The following OAS1 variants were observed in gnomAD, a reference collection of about 807,000 sequenced individuals.
The protein encoded by OAS1 is 2'-5'-oligoadenylate synthase 1.
In OAS1, 24 loss-of-function variants were observed where a neutral mutation model predicts 38.5. The ratio of observed to expected loss-of-function variants is 0.62; its 90% CI spans 0.45 to 0.88. OAS1 has a LOEUF of 0.88. OAS1 is among the 40% of genes least tolerant of loss of function. OAS1 has a pLI of 0.00. For synonymous variants in OAS1, 169 were observed against 193.9 expected, an observed-to-expected ratio of 0.87 and a Z score of 1.07; for missense variants, 482 against 493.9, an observed-to-expected ratio of 0.98 and a Z score of 0.23.
chr12:112,918,603 C>A, intron 5 of OAS1: 1 of 453,426 alleles, frequency 2.2e-6, no homozygotes, highest in Non-Finnish European at 4.4e-6. Flanking sequence ...ACAGATGAGA[C>A]AAAGGCTCAG....
At chr12:112,913,527 C>T (rs1347152736) in intron 3 of OAS1, among the ~76,000 whole-genome samples, 1 of 152,140 alleles carries the variant, frequency 6.6e-6, no homozygotes, top group Non-Finnish European at 1.5e-5. Flanking sequence ...ATACTCTCTT[C>T]TGTGTTTTTC....
intron 5 of OAS1, 126 bp downstream of exon 5, chr12:112,917,826 G>C: frequency 6.3e-7 from 1 of 1,599,548 alleles, no homozygotes; most frequent in Non-Finnish European, 8.5e-7. Flanking sequence ...TATTCATATA[G>C]TGACAGGCTG....
In OAS1 at chr12:112,918,049, T is replaced by A. The variant is rs180949561; in HGVS notation, c.1038+349T>A. 490 of 673,182 alleles carry A rather than the reference T, an allele frequency of 7.3e-4. 4 individuals are homozygous for A. The African/African-American group carries it at 7.7e-3, about 11-fold the overall frequency. 41.7% of individuals were successfully genotyped at this position (673,182 alleles called of 1,614,324 possible). A position where few individuals can be genotyped will look rare whatever the true frequency, so the allele number is the denominator to read the frequency against. ...CAATCCCATGAGGCATTTTTAAAAA[T>A]TTTTTATTATTTTAGATTCAGAGGG... On this transcript the variant is annotated intron_variant, in intron 5 of 5. Transcript: ENST00000202917.
chr12:112,911,443 A>G (rs2043382670), intron 3 of OAS1, among the ~76,000 whole-genome samples: 1 of 152,004 alleles, frequency 6.6e-6, no homozygotes, highest in African/African-American at 2.4e-5. Context: ...GAGAGAAAGG[A>G]AGGGATTTTG....
intron 3 of OAS1, among the ~76,000 whole-genome samples, chr12:112,911,723 T>C (rs2043386312): frequency 6.6e-6 from 1 of 152,254 alleles, no homozygotes; most frequent in Admixed American, 6.5e-5. Context: ...CTTTCTTATC[T>C]GCAACGAGTA....
intron 5 of OAS1, chr12:112,917,942 A>G: frequency 7.0e-7 from 1 of 1,426,448 alleles, no homozygotes; most frequent in Non-Finnish European, 9.1e-7. Flanking sequence ...ATAATCTCTA[A>G]CACCATTTAT....
intron 6 of OAS1, among the ~76,000 whole-genome samples, chr12:112,927,790 A>G (rs546555009): frequency 6.6e-6 from 1 of 152,268 alleles, no homozygotes; most frequent in Non-Finnish European, 1.5e-5. Context: ...GTGCTAATGT[A>G]GGGAGAAGTT....
intron 3 of OAS1, 30 bp downstream of exon 3, chr12:112,911,265 C>A: frequency 1.3e-6 from 2 of 1,546,624 alleles, no homozygotes; most frequent in Non-Finnish European, 1.8e-6. Context: ...CCTGGTGGGT[C>A]CTGTCTCGAC....
chr12:112,922,714 A>T (rs535373870), downstream of OAS1, among the ~76,000 whole-genome samples: 1 of 152,154 alleles, frequency 6.6e-6, no homozygotes, highest in Non-Finnish European at 1.5e-5. Context: ...CATAGTAAAC[A>T]TATCCACTCC....
intron 2 of OAS1, among the ~76,000 whole-genome samples, chr12:112,909,220 A>G (rs2043343772): frequency 6.6e-6 from 1 of 152,252 alleles, no homozygotes; most frequent in South Asian, 2.1e-4. Flanking sequence ...ATTTGCAGGA[A>G]CATTTGGACA....
rs1437899817 is a variant in OAS1 at position 112,908,622 on chromosome 12, G to C, written c.267G>C (p.Gln89His). 6.2e-7 allele frequency: 1 copy of C among 1,614,058 alleles called. No individual in the cohort carries two copies. Among genetic ancestry groups the C allele is most frequent in the Non-Finnish European group, 8.5e-7 (1 of 1,180,054 alleles). The change falls in exon 2 of 6, where the codon CAG (glutamine) becomes CAC (histidine). Residue 89 changes from glutamine to histidine, a missense_variant. Gln to His is a conservative substitution (Grantham distance 24). Transcript: ENST00000202917. ...TCCTCAGTCCTCTCACCACTTTTCA[G>C]GATCAGTTAAATCGCCGGGGAGAGT... ...VVFLSPLTTF[Q>H]DQLNRRGEFI...
downstream of OAS1, among the ~76,000 whole-genome samples, chr12:112,924,555 A>G (rs2043547845): frequency 2.0e-5 from 3 of 152,060 alleles, no homozygotes; most frequent in African/African-American, 7.2e-5. Context: ...AGTGACAGTG[A>G]CAATGTTTTA....
intron 5 of OAS1, chr12:112,918,655 G>A (rs2043496335): frequency 2.2e-6 from 1 of 455,864 alleles, no homozygotes; most frequent in South Asian, 1.5e-5. Context: ...CTAACAAGTG[G>A]TGGAAATGGA....
At chr12:112,919,215 AG>A (rs2043506340) in intron 5 of OAS1, 173 bp from the exon 6 acceptor site, 1 of 622,646 alleles carries the variant, frequency 1.6e-6, no homozygotes, top group African/African-American at 1.8e-5. Context: ...AACCCCTAAA[AG>A]GGCTGACGGC....
intron 1 of OAS1, among the ~76,000 whole-genome samples, chr12:112,908,166 T>C (rs368802296): frequency 2.5e-4 from 38 of 152,286 alleles, no homozygotes; most frequent in South Asian, 2.3e-3. Flanking sequence ...TAGGGCCGTG[T>C]AGATTAAGTA....
intron 3 of OAS1, among the ~76,000 whole-genome samples, chr12:112,911,560 G>A (rs747995300): frequency 4.0e-5 from 6 of 151,640 alleles, no homozygotes; most frequent in African/African-American, 9.7e-5. Flanking sequence ...ACACACGCAC[G>A]CACACACACA....
downstream of OAS1, chr12:112,932,160 TTC>T (rs1010670771): frequency 5.0e-3 from 2,212 of 446,836 alleles, no homozygotes; most frequent in South Asian, 6.9e-3. Flanking sequence ...CCCTGTCTCC[TTC>T]TCTCTCTCTC....
Position 112,906,964 on chromosome 12 carries a change from T to C in OAS1, c.-76T>C. 4.6e-6 allele frequency: 7 copies of C among 1,523,178 alleles called. No homozygotes were observed. Among genetic ancestry groups the C allele is most frequent in the Non-Finnish European group, 6.3e-6 (7 of 1,104,640 alleles). 94.4% of individuals were successfully genotyped at this position (1,523,178 alleles called of 1,614,324 possible). On this transcript the variant is annotated 5_prime_UTR_variant, in exon 1 of 6. Coordinates refer to ENST00000202917, the MANE Select transcript of OAS1 (RefSeq NM_016816.4). ...TCTGAGGAAACGAAACCAACAGCAGTCCAAGCTCAGTCAGCAGAAGAGATA... is the reference window on the plus strand; with the variant it reads ...TCTGAGGAAACGAAACCAACAGCAGCCCAAGCTCAGTCAGCAGAAGAGATA...
At chr12:112,922,087 A>G (rs2043533609), downstream of OAS1, among the ~76,000 whole-genome samples, 1 of 152,138 alleles carries the variant, frequency 6.6e-6, no homozygotes. Flanking sequence ...GCTTTTCGTT[A>G]TCAGTGTTGA....
Sources: gnomAD v4.1 joint callset for allele counts (sites outside exome capture counted in the v4.1 genomes callset) on GRCh38, gnomAD v4.1.1 for gene constraint, MANE v1.5 for transcripts, NCBI Gene and HGNC (gene_info 2026-07-23, HGNC 2026-07-21) for gene names.